Variants in ABCC9 observed in about 807,000 individuals in gnomAD.
ABCC9 encodes the protein ATP binding cassette subfamily C member 9.
ABCC9 carries 95 observed loss-of-function variants against 188.3 expected under a neutral mutation model. The observed-to-expected ratio is 0.50, with a 90% confidence interval of 0.43 to 0.60. The LOEUF is 0.60. Ranked by LOEUF, ABCC9 falls within the 20% of genes least tolerant of loss-of-function variation. ABCC9 has a pLI of 0.00. For synonymous variants in ABCC9, 659 were observed against 652.7 expected, an observed-to-expected ratio of 1.01 and a Z score of -0.15; for missense variants, 1,102 against 1,876.3, an observed-to-expected ratio of 0.59 and a Z score of 7.62.
chr12:21,929,769 T>A (rs1213025342), intron 4 of ABCC9, among the ~76,000 whole-genome samples: 1 of 152,172 alleles, frequency 6.6e-6, no homozygotes, highest in Non-Finnish European at 1.5e-5. Flanking sequence ...TTATCATTCC[T>A]CTTTCTTCAT....
At chr12:21,930,290 T>C (rs568215297) in intron 4 of ABCC9, among the ~76,000 whole-genome samples, 5 of 152,264 alleles carry the variant, frequency 3.3e-5, no homozygotes, top group South Asian at 4.1e-4. Context: ...CTATATAATA[T>C]GGGACCATAG....
chr12:21,846,048 A>C (rs539999552), intron 25 of ABCC9, among the ~76,000 whole-genome samples: 1 of 152,216 alleles, frequency 6.6e-6, no homozygotes, highest in East Asian at 1.9e-4. Context: ...TGTAAAATCT[A>C]CATCTGGATG....
chr12:21,852,510 A>C lies in ABCC9; in HGVS notation c.2506-5T>G. ...CAGGGCTGAGAATGGATCATCCTGC[A>C]ATCAGTAAAATGGAGGAAAGATGGA... On this transcript the variant is annotated splice_polypyrimidine_tract_variant and splice_region_variant and intron_variant, in intron 22 of 39. Coordinates refer to ENST00000261200, the MANE Select transcript of ABCC9 (RefSeq NM_020297.4). 1 of 1,609,158 alleles carries C rather than the reference A, an allele frequency of 6.2e-7. No individual in the cohort carries two copies.
chr12:21,858,368 G>A (rs1834472410), intron 22 of ABCC9, among the ~76,000 whole-genome samples: 1 of 151,762 alleles, frequency 6.6e-6, no homozygotes, highest in Non-Finnish European at 1.5e-5. Context: ...GAGGTCAGGA[G>A]TTCGAGACCA....
chr12:21,920,268 G>A (rs1195115665), intron 5 of ABCC9, among the ~76,000 whole-genome samples: 1 of 151,934 alleles, frequency 6.6e-6, no homozygotes, highest in African/African-American at 2.4e-5. Context: ...AAAGAAAAAA[G>A]AAGGCATAAA....
chr12:21,930,474 A>T (rs539722147), intron 4 of ABCC9, among the ~76,000 whole-genome samples: 2 of 152,322 alleles, frequency 1.3e-5, no homozygotes, highest in Non-Finnish European at 2.9e-5. Flanking sequence ...AATGATTGGC[A>T]TACCTGGGGA....
intron 18 of ABCC9, chr12:21,869,660 C>T (rs1185562038): frequency 6.6e-6 from 1 of 152,224 alleles, no homozygotes; most frequent in Admixed American, 6.5e-5. Context: ...ACACACCTCA[C>T]AGGTATAGTA....
rs1565692932 is a variant in ABCC9 at position 21,816,035 on chromosome 12, A to AGTTTTT, written c.3893-148_3893-143dup. The stretch of plus-strand genomic sequence containing the variant: ...GTAATACTGAACCAAACTATGTGGC[A>AGTTTTT]GTTTTTTTTTTTTTTTTTTTTTTTT... On this transcript the variant is annotated intron_variant, in intron 33 of 39. Coordinates refer to ENST00000261200, the MANE Select transcript of ABCC9 (RefSeq NM_020297.4). 26 of 76,254 alleles carry AGTTTTT rather than the reference A, an allele frequency of 3.4e-4. 4 individuals are homozygous for AGTTTTT. Among genetic ancestry groups the AGTTTTT allele is most frequent in the Non-Finnish European group, 3.5e-4 (15 of 42,740 alleles). 4.7% of individuals were successfully genotyped at this position (76,254 alleles called of 1,614,324 possible). A position where few individuals can be genotyped will look rare whatever the true frequency, so the allele number is the denominator to read the frequency against.
chr12:21,873,003 GT>G (rs1378211746), intron 17 of ABCC9, among the ~76,000 whole-genome samples: 1 of 151,796 alleles, frequency 6.6e-6, no homozygotes, highest in African/African-American at 2.4e-5. Flanking sequence ...ATCGAGATTA[GT>G]TTTAACTTTA....
intron 22 of ABCC9, among the ~76,000 whole-genome samples, chr12:21,859,033 A>G (rs1945372074): frequency 6.6e-6 from 1 of 152,144 alleles, no homozygotes; most frequent in East Asian, 1.9e-4. Context: ...TTAGTCCAAG[A>G]TGGATATCAC....
intron 20 of ABCC9, among the ~76,000 whole-genome samples, chr12:21,862,064 C>T (rs767462977): frequency 3.9e-5 from 6 of 152,026 alleles, no homozygotes; most frequent in Non-Finnish European, 7.4e-5. Context: ...CTTCCCTCTT[C>T]TTCTTCCTGT....
chr12:21,862,942 C>T lies in ABCC9; in HGVS notation c.2339+11G>A. ...CCATTTTGGTTCTAAATTTTATATG[C>T]TCAAAATTACCTCTGTTTGTTAAAA... On this transcript the variant is annotated intron_variant, in intron 20 of 39. Transcript: ENST00000261200. 6.4e-7 allele frequency: 1 copy of T among 1,558,954 alleles called. No individual in the cohort carries two copies. The highest frequency in any genetic ancestry group is 8.8e-7 in the Non-Finnish European group (1 of 1,130,446).
In ABCC9 at chr12:21,799,713, T is replaced by G. The variant is rs1282778073; in HGVS notation, c.*1331A>C. 1 of 152,200 alleles carries G rather than the reference T, an allele frequency of 6.6e-6. No individual in the cohort carries two copies. The highest frequency in any genetic ancestry group is 1.5e-5 in the Non-Finnish European group (1 of 68,020). 9.4% of individuals were successfully genotyped at this position (152,200 alleles called of 1,614,324 possible). On this transcript the variant is annotated 3_prime_UTR_variant, in exon 40 of 40. Transcript: ENST00000261200. ...GGAAAGTGGCATAATTTCTCTTAAT[T>G]CATCAATTTTATATATCTTCACAAT...
chr12:21,809,075 A>G (rs1006963172), intron 37 of ABCC9, among the ~76,000 whole-genome samples: 2 of 152,202 alleles, frequency 1.3e-5, no homozygotes, highest in Admixed American at 6.5e-5. Context: ...TATATTGTAT[A>G]TTAAATTTAG....
chr12:21,893,195 A>ATCG (rs34032811), intron 14 of ABCC9, among the ~76,000 whole-genome samples: 23 of 112 alleles, frequency 0.21, no homozygotes, highest in African/African-American at 0.35. Flanking sequence ...AAATGGTCTT[A>ATCG]TATCACATCT....
At chr12:21,862,586 C>T (rs1945575082) in intron 20 of ABCC9, among the ~76,000 whole-genome samples, 1 of 152,062 alleles carries the variant, frequency 6.6e-6, no homozygotes, top group Non-Finnish European at 1.5e-5. Context: ...CTATATTCTT[C>T]TTCTTTTCAC....
chr12:21,806,509 A>G (rs1172854167), intron 38 of ABCC9, among the ~76,000 whole-genome samples: 1 of 152,204 alleles, frequency 6.6e-6, no homozygotes, highest in Non-Finnish European at 1.5e-5. Flanking sequence ...TATCTCCACC[A>G]CAAAGCACTG....
At chr12:21,880,611 G>C (rs552669237) in intron 16 of ABCC9, among the ~76,000 whole-genome samples, 1 of 151,980 alleles carries the variant, frequency 6.6e-6, no homozygotes, top group African/African-American at 2.4e-5. Context: ...ATCTTATATC[G>C]AAAGTTGCTT....
intron 5 of ABCC9, chr12:21,925,604 C>A: frequency 2.9e-6 from 2 of 679,308 alleles, no homozygotes; most frequent in Admixed American, 2.2e-5. Flanking sequence ...TGCCGCAGCT[C>A]CTCACAAGAG....
Sources: gnomAD v4.1 joint callset for allele counts (sites outside exome capture counted in the v4.1 genomes callset) on GRCh38, gnomAD v4.1.1 for gene constraint, MANE v1.5 for transcripts, NCBI Gene and HGNC (gene_info 2026-07-23, HGNC 2026-07-21) for gene names.